The following PCDHGA4 variants were observed in gnomAD, a reference collection of about 807,000 sequenced individuals.
PCDHGA4 encodes protocadherin gamma subfamily A, 4.
Under a neutral mutation model 54.6 loss-of-function variants are expected in PCDHGA4, and 38 were observed. The observed-to-expected ratio is 0.70, with a 90% CI of 0.54 to 0.91. PCDHGA4 has a LOEUF of 0.91. Among genes scored for constraint, PCDHGA4 ranks in the 40% least tolerant of loss-of-function variants. PCDHGA4 has a pLI of 0.00. For missense variants in PCDHGA4, 1,298 were observed against 1,220.9 expected (o/e 1.06, Z -0.94); for synonymous variants, 511 against 512.9 (o/e 1.00, Z 0.05).
intron 1 of PCDHGA4, chr5:141,383,199 G>T (rs574670513): frequency 6.2e-7 from 1 of 1,614,040 alleles, no homozygotes; most frequent in South Asian, 1.1e-5. Flanking sequence ...CTCAGAGTGC[G>T]CGGTGTCTGG....
chr5:141,414,457 G>A (rs1319960665), intron 1 of PCDHGA4: 7 of 1,613,872 alleles, frequency 4.3e-6, no homozygotes, highest in Non-Finnish European at 5.9e-6. Flanking sequence ...CACAGTGACA[G>A]CCACAGATGG....
At chr5:141,362,537 C>A in intron 1 of PCDHGA4, 1 of 1,613,822 alleles carries the variant, frequency 6.2e-7, no homozygotes, top group Non-Finnish European at 8.5e-7. Context: ...GTCCCTTTTG[C>A]CTCAGATACT....
At chr5:141,376,042 T>G (rs768343920) in intron 1 of PCDHGA4, 34 of 1,613,010 alleles carry the variant, frequency 2.1e-5, no homozygotes, top group Middle Eastern at 1.7e-4. Flanking sequence ...GCCAGCCCCC[T>G]CTCTCCGCCA....
At chr5:141,464,682 T>C (rs1442997972) in intron 1 of PCDHGA4, among the ~76,000 whole-genome samples, 1 of 152,132 alleles carries the variant, frequency 6.6e-6, no homozygotes, top group Non-Finnish European at 1.5e-5. Flanking sequence ...TTAATTAAAA[T>C]TTCTCTTATT....
intron 1 of PCDHGA4, chr5:141,419,843 C>T: frequency 6.2e-7 from 1 of 1,614,070 alleles, no homozygotes; most frequent in Non-Finnish European, 8.5e-7. Flanking sequence ...CACGCTGCAC[C>T]TGGTGTTCGC....
At chr5:141,372,097 G>T in intron 1 of PCDHGA4, 1 of 1,613,808 alleles carries the variant, frequency 6.2e-7, no homozygotes, top group South Asian at 1.1e-5. Context: ...CCAGCTCTGG[G>T]GCCCGAAGGC....
In PCDHGA4 at chr5:141,414,129, C is replaced by A. The variant is rs1487550233; in HGVS notation, c.2514+56508C>A. The A allele has an allele frequency of 1.9e-6, 3 of 1,594,152 alleles. No homozygotes were observed. In the Admixed American group the frequency reaches 5.3e-5, roughly 28 times the overall value. ...ATCTAGATTATGAAGAAACCGGTTT[C>A]TATGAAATAGAAATACAAGCAGAAG... On this transcript the variant is annotated intron_variant, in intron 1 of 3. Coordinates refer to ENST00000571252, the MANE Select transcript of PCDHGA4 (RefSeq NM_018917.4).
chr5:141,375,486 G>C (rs1193457334), intron 1 of PCDHGA4: 1 of 1,613,796 alleles, frequency 6.2e-7, no homozygotes, highest in Non-Finnish European at 8.5e-7. Flanking sequence ...AACCCCAGGG[G>C]TGCCTCCATC....
At chr5:141,444,056 A>G (rs1055292734) in intron 1 of PCDHGA4, among the ~76,000 whole-genome samples, 7 of 151,740 alleles carry the variant, frequency 4.6e-5, no homozygotes, top group Non-Finnish European at 7.4e-5. Context: ...GGCATCTTCA[A>G]TCTAGATTCT....
intron 1 of PCDHGA4, chr5:141,422,834 G>A (rs1450583869): frequency 3.1e-6 from 5 of 1,614,230 alleles, no homozygotes; most frequent in East Asian, 2.2e-5. Context: ...GTGATAGCAC[G>A]TGACAGCGGG....
intron 1 of PCDHGA4, among the ~76,000 whole-genome samples, chr5:141,460,620 C>G (rs185269852): frequency 5.6e-4 from 85 of 151,856 alleles, no homozygotes; most frequent in African/African-American, 1.9e-3. Context: ...GATAGATAGA[C>G]AGATACAGAT....
At position 141,431,633 on chromosome 5, in the gene PCDHGA4, T is replaced by G; in HGVS notation, c.2515-63174T>G. On this transcript the variant is annotated intron_variant, in intron 1 of 3. Coordinates refer to ENST00000571252, the MANE Select transcript of PCDHGA4 (RefSeq NM_018917.4). This position sits in a 1 kb window ranked among gnomAD's most constrained non-coding sequence, Gnocchi z 4.8. Reference sequence around the variant, plus strand: ...TGTGGACGACAAGGCGGCCCAAGTTTTCAAACTAGATTGTAATTCAGGGAC... The same window carrying G: ...TGTGGACGACAAGGCGGCCCAAGTTGTCAAACTAGATTGTAATTCAGGGAC... 6.2e-7 allele frequency: 1 copy of G among 1,614,240 alleles called. No individual in the cohort carries two copies. Among genetic ancestry groups the G allele is most frequent in the Non-Finnish European group, 8.5e-7 (1 of 1,180,048 alleles).
Position 141,412,876 on chromosome 5 carries a change from A to G in PCDHGA4, c.2514+55255A>G, listed in dbSNP as rs1206092699. 12 of 281,096 alleles carry G rather than the reference A, an allele frequency of 4.3e-5. No homozygotes were observed. The East Asian group carries it at 7.9e-4, about 19-fold the overall frequency. The allele number at this position is 281,096 out of a possible 1,614,324, so 17.4% of individuals were successfully genotyped here. A position where few individuals can be genotyped will look rare whatever the true frequency, so the allele number is the denominator to read the frequency against. On this transcript the variant is annotated intron_variant, in intron 1 of 3. Coordinates refer to ENST00000571252, the MANE Select transcript of PCDHGA4 (RefSeq NM_018917.4). ...CAAAGAATCTATGTAAAATATAATAATCCAACAGAATAGTTTACTTTCCAT... is the reference window on the plus strand; with the variant it reads ...CAAAGAATCTATGTAAAATATAATAGTCCAACAGAATAGTTTACTTTCCAT...
intron 1 of PCDHGA4, chr5:141,376,412 G>A (rs1772658839): frequency 1.9e-6 from 3 of 1,614,164 alleles, no homozygotes; most frequent in African/African-American, 1.3e-5. Context: ...CAACTATGCC[G>A]ACACGCTTAT....
rs112156044 is a variant in PCDHGA4, at chr5:141,476,771, G to C, written c.2515-18036G>C. ...CCAGTTAGTGCTGACGGCGTTGGAC[G>C]GAGGGACCCCAGCTCTCTCCGCCAG... On this transcript the variant is annotated intron_variant, in intron 1 of 3. Coordinates refer to ENST00000571252, the MANE Select transcript of PCDHGA4 (RefSeq NM_018917.4). The surrounding 1 kb of genome is among the most constrained non-coding windows in gnomAD (Gnocchi z 7.6). 1.1e-5 allele frequency: 18 copies of C among 1,613,700 alleles called. 1 individual carries two copies. In the South Asian group the frequency reaches 1.3e-4, roughly 12 times the overall value.
At chr5:141,420,687 G>T (rs2096517632) in intron 1 of PCDHGA4, among the ~76,000 whole-genome samples, 1 of 152,182 alleles carries the variant, frequency 6.6e-6, no homozygotes, top group South Asian at 2.1e-4. Flanking sequence ...TATCGGGACC[G>T]TATTATTTCC....
rs760714983 is a variant in PCDHGA4 at position 141,389,956 on chromosome 5, T to C, written c.2514+32335T>C. 12 of 1,614,040 alleles carry C rather than the reference T, an allele frequency of 7.4e-6. No homozygotes were observed. In the South Asian group the frequency reaches 7.7e-5, roughly 10 times the overall value. ...CAGGCTGAGCTGCAGTTTTACCTAG[T>C]GGTGGCCTTGGCCTTGATCTCAGTG... is the stretch of plus-strand genomic sequence containing the variant. On this transcript the variant is annotated intron_variant, in intron 1 of 3. Coordinates refer to ENST00000571252, the MANE Select transcript of PCDHGA4 (RefSeq NM_018917.4).
intron 1 of PCDHGA4, chr5:141,426,946 C>A (rs565370434): frequency 2.2e-6 from 1 of 456,786 alleles, no homozygotes; most frequent in South Asian, 1.5e-5. Flanking sequence ...CCAGTCCCAA[C>A]TGGCACTGCT....
intron 2 of PCDHGA4, among the ~76,000 whole-genome samples, chr5:141,497,175 A>T (rs2154592067): frequency 6.7e-6 from 1 of 150,262 alleles, no homozygotes; most frequent in East Asian, 1.9e-4. Context: ...AAATCACAGT[A>T]AGTTCTGAGA....
Sources: gnomAD v4.1 joint callset for allele counts (sites outside exome capture counted in the v4.1 genomes callset) on GRCh38, gnomAD v4.1.1 for gene constraint, Gnocchi (gnomAD v3.1) non-coding constraint, MANE v1.5 for transcripts, NCBI Gene and HGNC (gene_info 2026-07-23, HGNC 2026-07-21) for gene names.